Variants in SEMA6D observed in about 807,000 individuals in gnomAD.
SEMA6D encodes the protein semaphorin-6D.
Under a neutral mutation model 106.6 loss-of-function variants are expected in SEMA6D, and 35 were observed. That is an observed-to-expected ratio of 0.33 (90% CI 0.25 to 0.44). The LOEUF is 0.44. Ranked by LOEUF, SEMA6D falls within the 20% of genes least tolerant of loss-of-function variation. SEMA6D has a pLI of 1.00. For missense variants in SEMA6D, 1,185 were observed against 1,345.9 expected, an observed-to-expected ratio of 0.88 and a Z score of 1.87; for synonymous variants, 499 against 487.7, an observed-to-expected ratio of 1.02 and a Z score of -0.31.
intron 3 of SEMA6D, among the ~76,000 whole-genome samples, chr15:47,543,574 C>G (rs2045424199): frequency 6.6e-6 from 1 of 152,066 alleles, no homozygotes; most frequent in Admixed American, 6.6e-5. Context: ...AGCAGCATGA[C>G]AACAAACTAA....
intron 1 of SEMA6D, among the ~76,000 whole-genome samples, chr15:47,328,666 A>C (rs1422322021): frequency 6.6e-6 from 1 of 152,150 alleles, no homozygotes; most frequent in Non-Finnish European, 1.5e-5. Flanking sequence ...CACCTGATGC[A>C]GCTGGCCAAC....
intron 4 of SEMA6D, among the ~76,000 whole-genome samples, chr15:47,614,944 G>A (rs551271299): frequency 1.4e-4 from 22 of 152,160 alleles, no homozygotes; most frequent in African/African-American, 3.6e-4. Context: ...GCCAATTTTC[G>A]TCAATTATTT....
At chr15:47,611,866 A>G (rs1415817021) in intron 4 of SEMA6D, among the ~76,000 whole-genome samples, 1 of 152,216 alleles carries the variant, frequency 6.6e-6, no homozygotes, top group African/African-American at 2.4e-5. Context: ...AAGTGGCCAC[A>G]TTGAAGTGGA....
chr15:47,187,157 C>T (rs547866925), intron 1 of SEMA6D, among the ~76,000 whole-genome samples: 2 of 152,154 alleles, frequency 1.3e-5, no homozygotes, highest in South Asian at 2.1e-4. Flanking sequence ...AAATGAAGCA[C>T]TTGTAAATGT....
intron 2 of SEMA6D, among the ~76,000 whole-genome samples, chr15:47,415,132 C>G (rs1050020028): frequency 6.6e-6 from 1 of 152,160 alleles, no homozygotes; most frequent in Non-Finnish European, 1.5e-5. Flanking sequence ...CTTCATCGAT[C>G]TGGTCTGTGT....
intron 1 of SEMA6D, among the ~76,000 whole-genome samples, chr15:47,732,920 A>C (rs1474987855): frequency 9.2e-5 from 14 of 152,028 alleles, no homozygotes; most frequent in Non-Finnish European, 1.2e-4. Flanking sequence ...GAAATAAGAT[A>C]CCCCTGCCAG....
intron 3 of SEMA6D, among the ~76,000 whole-genome samples, chr15:47,526,534 G>A (rs1424547112): frequency 6.6e-6 from 1 of 152,116 alleles, no homozygotes; most frequent in Non-Finnish European, 1.5e-5. Context: ...GCCAGTATTG[G>A]CCATGGCCAA....
At chr15:47,379,968 G>T (rs370720634) in intron 1 of SEMA6D, among the ~76,000 whole-genome samples, 2 of 152,082 alleles carry the variant, frequency 1.3e-5, no homozygotes, top group African/African-American at 4.8e-5. Flanking sequence ...TGTTGGTCAG[G>T]CTGGTCTTGA....
chr15:47,375,504 A>G (rs1216438405), intron 1 of SEMA6D, among the ~76,000 whole-genome samples: 1 of 151,960 alleles, frequency 6.6e-6, no homozygotes, highest in Non-Finnish European at 1.5e-5. Flanking sequence ...TTTTCCTTCA[A>G]TATGCCTGCT....
At chr15:47,212,771 GAT>G (rs1468441518) in intron 1 of SEMA6D, among the ~76,000 whole-genome samples, 1 of 152,248 alleles carries the variant, frequency 6.6e-6, no homozygotes, top group East Asian at 1.9e-4. Flanking sequence ...TGACTATCAT[GAT>G]ATAGAGGCGT....
rs994788645 is a variant in SEMA6D at position 47,251,907 on chromosome 15, A to ATTTTTT, written c.-239+67510_-239+67515dup. On this transcript the variant is annotated intron_variant, in intron 1 of 19. Coordinates refer to the SEMA6D transcript ENST00000558014. ...TGTATTTTATCCACTTTCTAATTGGATTTTTTTTTTTTTTTTTTTTTTTTT... is the reference window on the plus strand; with the variant it reads ...TGTATTTTATCCACTTTCTAATTGGATTTTTTTTTTTTTTTTTTTTTTTTTTTTTTT... 1.2e-4 allele frequency among the ~76,000 whole-genome samples: 10 copies of ATTTTTT among 81,998 alleles called. 1 individual carries two copies. The East Asian group carries it at 2.6e-3, about 21-fold the overall frequency. The allele number at this position is 81,998 out of a possible 152,430, so 53.8% of individuals were successfully genotyped here.
chr15:47,537,584 A>G (rs2045210281), intron 3 of SEMA6D, among the ~76,000 whole-genome samples: 1 of 152,244 alleles, frequency 6.6e-6, no homozygotes, highest in Non-Finnish European at 1.5e-5. Context: ...ATGAATTAGA[A>G]GAAATAATAC....
chr15:47,248,783 G>A (rs148608525), intron 1 of SEMA6D, among the ~76,000 whole-genome samples: 34 of 152,246 alleles, frequency 2.2e-4, no homozygotes, highest in African/African-American at 7.7e-4. Flanking sequence ...GATAACAGTG[G>A]CCTCTAAATT....
At chr15:47,369,907 A>T (rs1157094707) in intron 1 of SEMA6D, among the ~76,000 whole-genome samples, 4 of 152,230 alleles carry the variant, frequency 2.6e-5, no homozygotes, top group Non-Finnish European at 5.9e-5. Context: ...GAATACCAGC[A>T]ACTGTTTTAA....
chr15:47,374,020 G>C (rs998985276), intron 1 of SEMA6D, among the ~76,000 whole-genome samples: 1 of 152,194 alleles, frequency 6.6e-6, no homozygotes, highest in Non-Finnish European at 1.5e-5. Context: ...CAGATGTCCA[G>C]ATTAGCTGGC....
At chr15:47,222,176 G>A (rs1334733858) in intron 1 of SEMA6D, among the ~76,000 whole-genome samples, 1 of 152,098 alleles carries the variant, frequency 6.6e-6, no homozygotes, top group South Asian at 2.1e-4. Flanking sequence ...TTGTGGATTA[G>A]GATTTTATGG....
intron 4 of SEMA6D, among the ~76,000 whole-genome samples, chr15:47,672,910 T>C (rs951703544): frequency 6.9e-4 from 105 of 152,312 alleles, no homozygotes; most frequent in African/African-American, 2.5e-3. Flanking sequence ...TTTTTACAAA[T>C]TGGTTGGGTT....
chr15:47,328,372 A>C (rs1428909267), intron 1 of SEMA6D, among the ~76,000 whole-genome samples: 1 of 152,140 alleles, frequency 6.6e-6, no homozygotes, highest in Non-Finnish European at 1.5e-5. Flanking sequence ...CTGTTCCTGA[A>C]AATCCTGATT....
intron 4 of SEMA6D, among the ~76,000 whole-genome samples, chr15:47,659,756 G>T (rs1397092282): frequency 6.6e-6 from 1 of 151,978 alleles, no homozygotes; most frequent in Non-Finnish European, 1.5e-5. Flanking sequence ...GAATACACAG[G>T]TTACTGAAAA....
Sources: allele counts gnomAD v4.1 joint callset (sites outside exome capture counted in the v4.1 genomes callset), GRCh38; gene constraint gnomAD v4.1.1; transcripts MANE v1.5; gene names NCBI Gene and HGNC (gene_info 2026-07-23, HGNC 2026-07-21).